The following CFAP251 variants were observed in gnomAD, a reference collection of about 807,000 sequenced individuals.
CFAP251 encodes cilia and flagella associated protein 251.
In CFAP251, 93 loss-of-function variants were observed where a neutral mutation model predicts 126.7. The ratio of observed to expected loss-of-function variants is 0.73; its 90% CI spans 0.62 to 0.87. CFAP251 has a LOEUF of 0.87. Ranked by LOEUF, CFAP251 falls within the 40% of genes least tolerant of loss-of-function variation. The probability of loss-of-function intolerance (pLI) is 0.00; values close to 1 mark genes in which losing one functional copy is unlikely to be tolerated. For synonymous variants in CFAP251, 503 were observed against 506.9 expected, an observed-to-expected ratio of 0.99 and a Z score of 0.10; for missense variants, 1,287 against 1,389.2, an observed-to-expected ratio of 0.93 and a Z score of 1.17.
At chr12:121,922,970 T>C (rs1880249784) in intron 2 of CFAP251, among the ~76,000 whole-genome samples, 1 of 151,808 alleles carries the variant, frequency 6.6e-6, no homozygotes, top group African/African-American at 2.4e-5. Context: ...TTTGTTTTTG[T>C]ATTTTTAGTA....
intron 14 of CFAP251, among the ~76,000 whole-genome samples, chr12:121,961,175 C>T (rs914733499): frequency 7.9e-5 from 12 of 152,198 alleles, no homozygotes; most frequent in South Asian, 2.1e-4. Flanking sequence ...GATGGGCAAA[C>T]GCAATATTAC....
chr12:121,961,542 G>A (rs1010547235), intron 14 of CFAP251, among the ~76,000 whole-genome samples: 1 of 152,240 alleles, frequency 6.6e-6, no homozygotes, highest in Admixed American at 6.5e-5. Flanking sequence ...GATAATAAGT[G>A]ACACAGTATA....
In CFAP251 at chr12:121,940,342, A is replaced by G. The variant is rs141802004; in HGVS notation, c.999-2192A>G. ...TAAGGACTTCACTGTGTTATTTCCA[A>G]TCATTTTGGAATTGCCTTCCCAGGT... On this transcript the variant is annotated intron_variant, in intron 5 of 21. Transcript: ENST00000288912. Among the ~76,000 whole-genome samples the G allele has an allele frequency of 5.9e-5, 9 of 152,270 alleles. No homozygotes were observed. In the East Asian group the frequency reaches 1.7e-3, roughly 29 times the overall value.
intron 19 of CFAP251, among the ~76,000 whole-genome samples, chr12:121,993,677 G>C (rs1593007751): frequency 2.1e-5 from 3 of 144,634 alleles, no homozygotes; most frequent in Non-Finnish European, 3.1e-5. Flanking sequence ...TGGGAGGTGA[G>C]GAGCGTCTCT....
At chr12:121,994,124 C>T (rs1882964907) in intron 19 of CFAP251, among the ~76,000 whole-genome samples, 5 of 113,990 alleles carry the variant, frequency 4.4e-5, no homozygotes, top group South Asian at 3.2e-4. Context: ...CCCCTCTGCC[C>T]GGCCAGCCGC....
intron 14 of CFAP251, among the ~76,000 whole-genome samples, chr12:121,961,267 CT>C (rs752439405): frequency 6.1e-4 from 91 of 149,208 alleles, no homozygotes; most frequent in Admixed American, 1.8e-3. Flanking sequence ...TCTTCTCCCC[CT>C]CTCTCCCTCC....
At position 122,003,542 on chromosome 12, in the gene CFAP251, C is replaced by T. The variant is rs564204264; in HGVS notation, c.3338-110C>T. The T allele has an allele frequency of 6.9e-4, 531 of 770,772 alleles. 3 individuals carry two copies. The African/African-American group carries it at 8.4e-3, about 12-fold the overall frequency. 47.7% of individuals were successfully genotyped at this position (770,772 alleles called of 1,614,324 possible). On this transcript the variant is annotated intron_variant, in intron 21 of 21. Transcript: ENST00000288912. ...GAGCTATGATCGTGTCACTGCACTC[C>T]AGCCTGGGCAACAGAGCAAGGCCCT...
intron 19 of CFAP251, among the ~76,000 whole-genome samples, chr12:121,994,148 G>C (rs1673684954): frequency 1.0e-5 from 1 of 97,486 alleles, no homozygotes; most frequent in African/African-American, 4.3e-5. Context: ...GTCCGGGAGG[G>C]AGGTGGGGGG....
intron 17 of CFAP251, chr12:121,969,879 T>A (rs1882276017): frequency 1.0e-6 from 1 of 985,316 alleles, no homozygotes; most frequent in African/African-American, 1.7e-5. Context: ...TTCCAATAGC[T>A]TTCGCCTGGC....
intron 10 of CFAP251, 56 bp from the exon 11 acceptor site, chr12:121,957,018 T>C: frequency 2.1e-6 from 3 of 1,399,226 alleles, no homozygotes; most frequent in Non-Finnish European, 2.9e-6. Context: ...AGGTATTATA[T>C]AGATGCTACT....
At position 121,962,115 on chromosome 12, in the gene CFAP251, C is replaced by A; in HGVS notation, c.2445C>A (p.Asn815Lys). 6.2e-7 allele frequency: 1 copy of A among 1,613,928 alleles called. No homozygotes were observed. The highest frequency in any genetic ancestry group is 2.2e-5 in the East Asian group (1 of 44,888). The change falls in exon 15 of 22, where the codon AAC (asparagine) becomes AAA (lysine). Residue 815 changes from asparagine (N) to lysine (K), a missense_variant. Coordinates refer to ENST00000288912, the MANE Select transcript of CFAP251 (RefSeq NM_144668.6). ...GGGAACTCTTCCTGCTTATTTGCAACAGTGGCTACAAAGTGAAGCTTTTTA... is the reference window on the plus strand; with the variant it reads ...GGGAACTCTTCCTGCTTATTTGCAAAAGTGGCTACAAAGTGAAGCTTTTTA... The part of the protein sequence containing the change: ...LTRELFLLIC[N>K]SGYKVKLFNA...
At chr12:121,940,560 C>A (rs1444284894) in intron 5 of CFAP251, among the ~76,000 whole-genome samples, 1 of 152,142 alleles carries the variant, frequency 6.6e-6, no homozygotes, top group Non-Finnish European at 1.5e-5. Flanking sequence ...AAAAAAGAAC[C>A]ATGTGACCCG....
chr12:121,973,872 A>ATC (rs1306259540), intron 17 of CFAP251, among the ~76,000 whole-genome samples: 1 of 152,184 alleles, frequency 6.6e-6, no homozygotes, highest in African/African-American at 2.4e-5. Flanking sequence ...CCTGTCTCAG[A>ATC]TAAGACTTTG....
At chr12:121,959,420 T>C (rs1259185930) in intron 13 of CFAP251, 1 of 206,516 alleles carries the variant, frequency 4.8e-6, no homozygotes, top group Non-Finnish European at 9.7e-6. Flanking sequence ...TGCCTTTATG[T>C]TGGGAGGGAA....
At position 121,928,655 on chromosome 12, in the gene CFAP251, T is replaced by TATATAC. The variant is rs1880531631; in HGVS notation, c.748-3090_748-3089insTATACA. On this transcript the variant is annotated intron_variant, in intron 3 of 21. Coordinates refer to ENST00000288912, the MANE Select transcript of CFAP251 (RefSeq NM_144668.6). Reference sequence around the variant, plus strand: ...ATATATACGTATATATATATATATATACGTATATATATACGTATATATATA... The same window carrying TATATAC: ...ATATATACGTATATATATATATATATATATACACGTATATATATACGTATATATATA... Among the ~76,000 whole-genome samples the TATATAC allele has an allele frequency of 2.5e-4, 8 of 31,424 alleles. No individual in the cohort carries two copies. In the South Asian group the frequency reaches 4.2e-3, roughly 16 times the overall value. The allele number at this position is 31,424 out of a possible 152,430, so 20.6% of individuals were successfully genotyped here. A position where few individuals can be genotyped will look rare whatever the true frequency, so the allele number is the denominator to read the frequency against.
chr12:121,969,872 C>T (rs1486027239), intron 17 of CFAP251: 1 of 985,372 alleles, frequency 1.0e-6, no homozygotes, highest in Non-Finnish European at 1.2e-6. Flanking sequence ...CTCTGCTTTC[C>T]AATAGCTTTC....
chr12:121,969,640 T>G, intron 17 of CFAP251: 3 of 763,394 alleles, frequency 3.9e-6, no homozygotes, highest in Non-Finnish European at 4.8e-6. Flanking sequence ...CATATGCCAA[T>G]GTGCCTGGCT....
intron 10 of CFAP251, among the ~76,000 whole-genome samples, chr12:121,955,319 C>G (rs1881689102): frequency 6.6e-6 from 1 of 151,854 alleles, no homozygotes; most frequent in Non-Finnish European, 1.5e-5. Context: ...TAATATTTAC[C>G]CATTGTGAGA....
rs765134214 is a variant in CFAP251, at chr12:121,966,975, C to T, written c.2513C>T (p.Ala838Val). Reference protein sequence around the residue: ...KMCRKTLLGPAYGSPIEQTQV... With the variant: ...KMCRKTLLGPVYGSPIEQTQV... ...TTCAGAAAGACGCTTCTGGGGCCAG[C>T]TTATGGTTCCCCTATTGAGCAGACA... Residue 838 changes from alanine (A) to valine (V), a missense_variant, in exon 16 of 22, where the codon GCT (alanine) becomes GTT (valine). Ala to Val is a moderately conservative substitution (Grantham distance 64). Coordinates refer to ENST00000288912, the MANE Select transcript of CFAP251 (RefSeq NM_144668.6). 9 of 1,614,082 alleles carry T rather than the reference C, an allele frequency of 5.6e-6. No individual in the cohort carries two copies. The African/African-American group carries it at 6.7e-5, about 12-fold the overall frequency.
Sources: allele counts gnomAD v4.1 joint callset (sites outside exome capture counted in the v4.1 genomes callset), GRCh38; gene constraint gnomAD v4.1.1; transcripts MANE v1.5; gene names NCBI Gene and HGNC (gene_info 2026-07-23, HGNC 2026-07-21).